ZBTB47: variants seen among roughly 807,000 people sequenced by gnomAD.
The protein encoded by ZBTB47 is zinc finger and BTB domain-containing protein 47.
A neutral mutation model predicts 56.6 loss-of-function variants in ZBTB47; 24 were observed. That is an observed-to-expected ratio of 0.42 (90% CI 0.31 to 0.60). ZBTB47 has a LOEUF of 0.60. Among genes scored for constraint, ZBTB47 ranks in the 20% least tolerant of loss-of-function variants. The pLI, the probability that ZBTB47 is intolerant of heterozygous loss-of-function variation, is 0.14. For missense variants in ZBTB47, 829 were observed against 1,032.6 expected, an observed-to-expected ratio of 0.80 and a Z score of 2.70; for synonymous variants, 414 against 418.9, an observed-to-expected ratio of 0.99 and a Z score of 0.14.
In ZBTB47 at chr3:42,654,310, TGGGGCTG is replaced by T. The variant is rs1162388527; in HGVS notation, c.-82+432_-82+438del. 5 of 37,812 alleles carry T rather than the reference TGGGGCTG, an allele frequency of 1.3e-4. No individual in the cohort carries two copies. Among genetic ancestry groups the T allele is most frequent in the Non-Finnish European group, 2.7e-4 (5 of 18,522 alleles). 2.3% of individuals were successfully genotyped at this position (37,812 alleles called of 1,614,324 possible). A position where few individuals can be genotyped will look rare whatever the true frequency, so the allele number is the denominator to read the frequency against. ...GTGGGGACGGGCTGGGGGCTGGAGC[TGGGGCTG>T]GGGGTGGAGGGCAGCCTGCGGCAGG... On this transcript the variant is annotated intron_variant, in intron 1 of 5. Transcript: ENST00000232974. This position sits in a 1 kb window ranked among gnomAD's most constrained non-coding sequence, Gnocchi z 5.0.
In ZBTB47 at chr3:42,659,444, A is replaced by G; in HGVS notation, c.1089A>G (p.Gly363=). The change falls in exon 2 of 6, where the codon GGA becomes GGG. Residue 363 remains glycine, a synonymous_variant. Coordinates refer to ENST00000232974, the MANE Select transcript of ZBTB47 (RefSeq NM_145166.4). The part of the protein sequence containing the change: ...GEAGGKQGPR[G]SRSSRADPPP... The stretch of plus-strand genomic sequence containing the variant: ...CTGGGGGCAAGCAGGGGCCACGGGG[A>G]AGCCGAAGCAGCCGGGCAGACCCCC... The G allele has an allele frequency of 6.7e-7, 1 of 1,484,178 alleles. No homozygotes were observed. The highest frequency in any genetic ancestry group is 8.9e-7 in the Non-Finnish European group (1 of 1,124,170). The allele number at this position is 1,484,178 out of a possible 1,614,324, so 91.9% of individuals were successfully genotyped here. A position where few individuals can be genotyped will look rare whatever the true frequency, so the allele number is the denominator to read the frequency against.
intron 3 of ZBTB47, 112 bp from the exon 4 acceptor site, chr3:42,662,900 C>T (rs761369647): frequency 5.7e-5 from 41 of 724,794 alleles, no homozygotes; most frequent in Middle Eastern, 5.2e-4. Context: ...ATAAGGCCAG[C>T]CCCAGAGAAG....
intron 1 of ZBTB47, among the ~76,000 whole-genome samples, chr3:42,657,731 G>A (rs1285973021): frequency 1.3e-4 from 20 of 152,192 alleles, no homozygotes; most frequent in Admixed American, 1.3e-3. Context: ...CCCGGCTTCT[G>A]TTCTTGAGGT....
In ZBTB47 at chr3:42,663,069, G is replaced by C; in HGVS notation, c.1679G>C (p.Ser560Thr). 1.2e-6 allele frequency: 2 copies of C among 1,613,956 alleles called. No individual in the cohort carries two copies. Among genetic ancestry groups the C allele is most frequent in the Non-Finnish European group, 1.7e-6 (2 of 1,179,822 alleles). ...CETCGKSFKR[S>T]MSLKVHSLQH... ...ACCTGCGGAAAGTCCTTCAAGCGCA[G>C]CATGTCCCTCAAGGTGCACTCACTG... Residue 560 changes from serine (S) to threonine (T), a missense_variant, in exon 4 of 6, where the codon AGC becomes ACC. Coordinates refer to ENST00000232974, the MANE Select transcript of ZBTB47 (RefSeq NM_145166.4). The surrounding 1 kb of genome is among the most constrained non-coding windows in gnomAD (Gnocchi z 5.1).
At position 42,654,462 on chromosome 3, in the gene ZBTB47, GCCCCGCGCCCCCCGCC is replaced by G. The variant is rs1304241155; in HGVS notation, c.-82+581_-82+596del. The G allele has an allele frequency of 2.6e-4, 39 of 150,698 alleles. No homozygotes were observed. Among genetic ancestry groups the G allele is most frequent in the Admixed American group, 6.0e-4 (9 of 15,040 alleles). The allele number at this position is 150,698 out of a possible 1,614,324, so 9.3% of individuals were successfully genotyped here. A position where few individuals can be genotyped will look rare whatever the true frequency, so the allele number is the denominator to read the frequency against. On this transcript the variant is annotated intron_variant, in intron 1 of 5. Coordinates refer to ENST00000232974, the MANE Select transcript of ZBTB47 (RefSeq NM_145166.4). This position sits in a 1 kb window ranked among gnomAD's most constrained non-coding sequence, Gnocchi z 5.0. Reference sequence around the variant, plus strand: ...AGCTGACGCGCGGGCTCCAATCGGCGCCCCGCGCCCCCCGCCCGCCGCGCCCGAGGCTCTGGGGCCG... The same window carrying G: ...AGCTGACGCGCGGGCTCCAATCGGCGCGCCGCGCCCGAGGCTCTGGGGCCG...
chr3:42,660,866 T>C (rs1466347346), intron 2 of ZBTB47, among the ~76,000 whole-genome samples: 1 of 152,140 alleles, frequency 6.6e-6, no homozygotes, highest in Non-Finnish European at 1.5e-5. Context: ...AGCCTTGGCC[T>C]AGCCTCCATC....
chr3:42,658,976 G>T lies in ZBTB47; in HGVS notation c.621G>T (p.Leu207Phe), dbSNP rs762280426. Residue 207 changes from leucine (L) to phenylalanine (F), a missense_variant, in exon 2 of 6, where the codon TTG becomes TTT. Around this residue, in one of 6 missense-constraint regions of ZBTB47, gnomAD observed 359 missense variants for 359.8 expected, o/e 1.00. Coordinates refer to ENST00000232974, the MANE Select transcript of ZBTB47 (RefSeq NM_145166.4). ...AGGCCGGTGGGCCCCCAGCCAGCTT[G>T]TGCAAGCTGGAGGGTGGAGAAGAGT... ...VEEAGGPPAS[L>F]CKLEGGEELE... 138 of 1,518,476 alleles carry T rather than the reference G, an allele frequency of 9.1e-5. No homozygotes were observed. Among genetic ancestry groups the T allele is most frequent in the Non-Finnish European group, 1.1e-4 (128 of 1,138,566 alleles). 94.1% of individuals were successfully genotyped at this position (1,518,476 alleles called of 1,614,324 possible). A position where few individuals can be genotyped will look rare whatever the true frequency, so the allele number is the denominator to read the frequency against.
chr3:42,658,533 G>C lies in ZBTB47; in HGVS notation c.178G>C (p.Glu60Gln). 3 of 1,537,182 alleles carry C rather than the reference G, an allele frequency of 2.0e-6. No homozygotes were observed. The highest frequency in any genetic ancestry group is 2.6e-6 in the Non-Finnish European group (3 of 1,146,912). ...GCTGCAGCGTGTGGAGCTGTCCCTGGAGGCACTGGCACCTGGTGGCCTGCA... is the reference window on the plus strand; with the variant it reads ...GCTGCAGCGTGTGGAGCTGTCCCTGCAGGCACTGGCACCTGGTGGCCTGCA... The part of the protein sequence containing the change: ...KQLQRVELSL[E>Q]ALAPGGLQQI... Residue 60 changes from glutamate (E) to glutamine (Q), a missense_variant, in exon 2 of 6, where the codon GAG (glutamate) becomes CAG (glutamine). Coordinates refer to ENST00000232974, the MANE Select transcript of ZBTB47 (RefSeq NM_145166.4).
chr3:42,659,902 C>A (rs1486422953), intron 2 of ZBTB47, 74 bp downstream of exon 2: 17 of 1,481,518 alleles, frequency 1.1e-5, no homozygotes, highest in Non-Finnish European at 1.5e-5. Context: ...CTCTGGGCAC[C>A]TAGTGTCTTG....
rs561974613 is a variant in ZBTB47 at position 42,659,913 on chromosome 3, C to T, written c.1473+85C>T. ...TGGGCTCTGGGCACCTAGTGTCTTGCTGACTGCATTACCTAGGTGGTCTGC... is the reference window on the plus strand; with the variant it reads ...TGGGCTCTGGGCACCTAGTGTCTTGTTGACTGCATTACCTAGGTGGTCTGC... On this transcript the variant is annotated intron_variant, in intron 2 of 5. Transcript: ENST00000232974. 296 of 1,461,152 alleles carry T rather than the reference C, an allele frequency of 2.0e-4. No individual in the cohort carries two copies. In the African/African-American group the frequency reaches 3.7e-3, roughly 18 times the overall value. The allele number at this position is 1,461,152 out of a possible 1,614,324, so 90.5% of individuals were successfully genotyped here.
rs1710762390 is a variant in ZBTB47, at chr3:42,664,604, G to A, written c.*6G>A. On this transcript the variant is annotated 3_prime_UTR_variant, in exon 6 of 6. Coordinates refer to ENST00000232974, the MANE Select transcript of ZBTB47 (RefSeq NM_145166.4). ...GGATGAACGCCAACAACTAGCTGCCGAGCTGCACCCGTGCACCCGCTGGGG... is the reference window on the plus strand; with the variant it reads ...GGATGAACGCCAACAACTAGCTGCCAAGCTGCACCCGTGCACCCGCTGGGG... 2.9e-6 allele frequency: 4 copies of A among 1,374,452 alleles called. No individual in the cohort carries two copies. Among genetic ancestry groups the A allele is most frequent in the Middle Eastern group, 4.8e-4 (2 of 4,184 alleles). 85.1% of individuals were successfully genotyped at this position (1,374,452 alleles called of 1,614,324 possible). A position where few individuals can be genotyped will look rare whatever the true frequency, so the allele number is the denominator to read the frequency against.
rs1213897062 is a variant in ZBTB47, at chr3:42,667,182, G to C, written c.*2584G>C. On this transcript the variant is annotated 3_prime_UTR_variant, in exon 6 of 6. Coordinates refer to ENST00000232974, the MANE Select transcript of ZBTB47 (RefSeq NM_145166.4). ...CACTTTCCAGGGCTGGGGGAAGGGG[G>C]ACGCAGGATCATCCCCTCCCAAGGA... Among the ~76,000 whole-genome samples the C allele has an allele frequency of 1.3e-5, 2 of 152,256 alleles. No individual in the cohort carries two copies. The highest frequency in any genetic ancestry group is 6.5e-5 in the Admixed American group (1 of 15,288).
rs1251941732 is a variant in ZBTB47 at position 42,654,778 on chromosome 3, G to A, written c.-82+895G>A. ...CCAGGCACACGGCCCGCGGGCCCGGGTGGAGGGGCTGGAGGGATCTTCCCC... is the reference window on the plus strand; with the variant it reads ...CCAGGCACACGGCCCGCGGGCCCGGATGGAGGGGCTGGAGGGATCTTCCCC... On this transcript the variant is annotated intron_variant, in intron 1 of 5. Transcript: ENST00000232974. This position sits in a 1 kb window ranked among gnomAD's most constrained non-coding sequence, Gnocchi z 5.0. 1 of 925,898 alleles carries A rather than the reference G, an allele frequency of 1.1e-6. No homozygotes were observed. Among genetic ancestry groups the A allele is most frequent in the Admixed American group, 6.2e-5 (1 of 16,172 alleles). The allele number at this position is 925,898 out of a possible 1,614,324, so 57.4% of individuals were successfully genotyped here.
Position 42,658,929 on chromosome 3 carries a change from G to T in ZBTB47, c.574G>T (p.Glu192Ter). 1 of 1,498,742 alleles carries T rather than the reference G, an allele frequency of 6.7e-7. No individual in the cohort carries two copies. Among genetic ancestry groups the T allele is most frequent in the South Asian group, 1.3e-5 (1 of 77,428 alleles). 92.8% of individuals were successfully genotyped at this position (1,498,742 alleles called of 1,614,324 possible). The change falls in exon 2 of 6, where the codon GAG (glutamate) becomes TAG (stop). Residue 192 changes from glutamate to a stop codon, truncating the protein, a stop_gained. Coordinates refer to ENST00000232974, the MANE Select transcript of ZBTB47 (RefSeq NM_145166.4). LOFTEE classifies it high-confidence loss of function. ...GCCAGCCCAGCCCTTCTTTAAGGAG[G>T]AGAAGGAGGGTGGTGTCGAGGAGGC... ...IGPAQPFFKE[E>*]KEGGVEEAGG...
rs1045583128 is a variant in ZBTB47 at position 42,654,224 on chromosome 3, G to C, written c.-82+341G>C. On this transcript the variant is annotated intron_variant, in intron 1 of 5. Coordinates refer to ENST00000232974, the MANE Select transcript of ZBTB47 (RefSeq NM_145166.4). This position sits in a 1 kb window ranked among gnomAD's most constrained non-coding sequence, Gnocchi z 5.0. ...TGTTTGACTCCCGGACGAACTTCCC[G>C]GCAGAAAGGAGGCTCAGCACGGGAG... The C allele has an allele frequency of 6.6e-6, 1 of 152,000 alleles. No homozygotes were observed. Among genetic ancestry groups the C allele is most frequent in the African/African-American group, 2.4e-5 (1 of 41,392 alleles). The allele number at this position is 152,000 out of a possible 1,614,324, so 9.4% of individuals were successfully genotyped here. A position where few individuals can be genotyped will look rare whatever the true frequency, so the allele number is the denominator to read the frequency against.
In ZBTB47 at chr3:42,659,010, G is replaced by C; in HGVS notation, c.655G>C (p.Glu219Gln). 1.3e-6 allele frequency: 2 copies of C among 1,530,188 alleles called. No homozygotes were observed. Among genetic ancestry groups the C allele is most frequent in the Non-Finnish European group, 1.7e-6 (2 of 1,143,980 alleles). The allele number at this position is 1,530,188 out of a possible 1,614,324, so 94.8% of individuals were successfully genotyped here. ...KLEGGEELEE[E>Q]LGGSGTYSRR... is the part of the protein sequence containing the mutation. ...GGAGGGTGGAGAAGAGTTGGAGGAA[G>C]AGCTTGGGGGTTCTGGCACCTACAG... Residue 219 changes from glutamate (E) to glutamine (Q), a missense_variant, in exon 2 of 6, where the codon GAG becomes CAG. This residue lies in a region of ZBTB47 where 359 missense variants were observed against 359.8 expected (regional missense o/e 1.00). Transcript: ENST00000232974.
At position 42,654,559 on chromosome 3, in the gene ZBTB47, C is replaced by G. The variant is rs1464066035; in HGVS notation, c.-82+676C>G. On this transcript the variant is annotated intron_variant, in intron 1 of 5. Transcript: ENST00000232974. The surrounding 1 kb of genome is among the most constrained non-coding windows in gnomAD (Gnocchi z 5.0). ...CTGCGCCTCCGCCTGCCTGGCCGCG[C>G]CCCCGGGGGCCATGGTCGCGGGGCC... 1.4e-5 allele frequency: 6 copies of G among 425,868 alleles called. No homozygotes were observed. The highest frequency in any genetic ancestry group is 1.9e-5 in the Non-Finnish European group (6 of 320,398). The allele number at this position is 425,868 out of a possible 1,614,324, so 26.4% of individuals were successfully genotyped here.
At position 42,664,244 on chromosome 3, in the gene ZBTB47, G is replaced by A; in HGVS notation, c.1890G>A (p.Lys630=). The A allele has an allele frequency of 6.2e-7, 1 of 1,613,568 alleles. No individual in the cohort carries two copies. Among genetic ancestry groups the A allele is most frequent in the Non-Finnish European group, 8.5e-7 (1 of 1,179,746 alleles). The change falls in exon 6 of 6, where the codon AAG becomes AAA. Residue 630 remains lysine (K), a synonymous_variant. Coordinates refer to ENST00000232974, the MANE Select transcript of ZBTB47 (RefSeq NM_145166.4). ...CCCACCCCCAACCCCCAGGAGAGAAGCCGTACATCTGCGAGATCTGTGGCA... is the reference window on the plus strand; with the variant it reads ...CCCACCCCCAACCCCCAGGAGAGAAACCGTACATCTGCGAGATCTGTGGCA... ...DEHMKTHTGE[K]PYICEICGKS...
rs1362242207 is a variant in ZBTB47 at position 42,654,406 on chromosome 3, C to T, written c.-82+523C>T. The T allele has an allele frequency of 6.6e-6, 1 of 151,352 alleles. No individual in the cohort carries two copies. Among genetic ancestry groups the T allele is most frequent in the Non-Finnish European group, 1.5e-5 (1 of 67,634 alleles). The allele number at this position is 151,352 out of a possible 1,614,324, so 9.4% of individuals were successfully genotyped here. On this transcript the variant is annotated intron_variant, in intron 1 of 5. Coordinates refer to ENST00000232974, the MANE Select transcript of ZBTB47 (RefSeq NM_145166.4). The surrounding 1 kb of genome is among the most constrained non-coding windows in gnomAD (Gnocchi z 5.0). ...CGCCCCCCGCCGGCACGCAGGCGGC[C>T]TGGCCCTTTAAGCGTCCAGACGGCG...
Sources: allele counts gnomAD v4.1 joint callset (sites outside exome capture counted in the v4.1 genomes callset), GRCh38; gene constraint gnomAD v4.1.1; regional missense constraint gnomAD v4.1.1; non-coding constraint Gnocchi (gnomAD v3.1); transcripts MANE v1.5; gene names NCBI Gene and HGNC (gene_info 2026-07-23, HGNC 2026-07-21).